Variants in IFT140 observed in about 807,000 individuals in gnomAD.
IFT140 encodes the protein intraflagellar transport protein 140 homolog.
Under a neutral mutation model 164.6 loss-of-function variants are expected in IFT140, and 133 were observed. That is an observed-to-expected ratio of 0.81 (90% CI 0.70 to 0.93). The LOEUF is 0.93. Among genes scored for constraint, IFT140 ranks in the 40% least tolerant of loss-of-function variants. The pLI is 0.00. For synonymous variants in IFT140, 860 were observed against 817.3 expected (o/e 1.05, Z -0.89); for missense variants, 2,045 against 1,972.3 (o/e 1.04, Z -0.70).
At chr16:1,579,204 T>A (rs941807583) in intron 13 of IFT140, 1 of 152,094 alleles carries the variant, frequency 6.6e-6, no homozygotes, top group African/African-American at 2.4e-5. Context: ...AGGGAAAATA[T>A]GTTTACTATT....
chr16:1,566,123 A>AT (rs773737977), intron 16 of IFT140, 38 bp downstream of exon 16: 2 of 1,603,504 alleles, frequency 1.2e-6, no homozygotes. Flanking sequence ...ACTGAACATC[A>AT]TTTTTTCCAA....
intron 4 of IFT140, among the ~76,000 whole-genome samples, chr16:1,601,550 C>T (rs1028638552): frequency 2.0e-5 from 3 of 152,196 alleles, no homozygotes; most frequent in African/African-American, 7.2e-5. Flanking sequence ...AAAATACCCA[C>T]GTAGCTGGAG....
chr16:1,534,525 G>A (rs780821513), intron 19 of IFT140: 63 of 1,606,320 alleles, frequency 3.9e-5, no homozygotes, highest in Admixed American at 2.0e-4. Flanking sequence ...CGAGGCAGCC[G>A]GCTTCCAGGA....
At chr16:1,574,832 C>A (rs1345182142) in intron 13 of IFT140, among the ~76,000 whole-genome samples, 1 of 152,130 alleles carries the variant, frequency 6.6e-6, no homozygotes, top group Non-Finnish European at 1.5e-5. Flanking sequence ...GGGCTGGGGC[C>A]CCAAAGTTCT....
At chr16:1,557,809 A>G in intron 19 of IFT140, 126 bp downstream of exon 19, 1 of 930,456 alleles carries the variant, frequency 1.1e-6, no homozygotes, top group East Asian at 2.4e-5. Context: ...AGACCATGAA[A>G]TACACCATGA....
At chr16:1,580,532 T>G in intron 13 of IFT140, 2 of 429,272 alleles carry the variant, frequency 4.7e-6, no homozygotes, top group Non-Finnish European at 8.5e-6. Flanking sequence ...CCCACCAGGA[T>G]TGTAAGTTTC....
intron 4 of IFT140, among the ~76,000 whole-genome samples, chr16:1,598,656 T>G (rs2035588859): frequency 1.3e-5 from 2 of 152,266 alleles, no homozygotes; most frequent in South Asian, 4.1e-4. Flanking sequence ...GTGTGCACTA[T>G]GAGCCGGCCC....
chr16:1,557,047 C>T (rs936444655), intron 19 of IFT140, among the ~76,000 whole-genome samples: 1 of 152,096 alleles, frequency 6.6e-6, no homozygotes, highest in African/African-American at 2.4e-5. Flanking sequence ...AACGAACTCC[C>T]GACCTCAGGT....
chr16:1,536,563 G>A (rs4786279), intron 19 of IFT140, among the ~76,000 whole-genome samples: 7 of 152,286 alleles, frequency 4.6e-5, no homozygotes, highest in East Asian at 3.9e-4. Context: ...CCTTGTAAAC[G>A]GGACTCAGCT....
intron 4 of IFT140, among the ~76,000 whole-genome samples, chr16:1,594,435 G>A (rs1176255349): frequency 6.6e-6 from 1 of 152,010 alleles, no homozygotes; most frequent in African/African-American, 2.4e-5. Context: ...TGCCCAGGCT[G>A]GTATCAAACT....
intron 12 of IFT140, 102 bp downstream of exon 12, chr16:1,583,212 C>CAA: frequency 9.7e-7 from 1 of 1,025,834 alleles, no homozygotes; most frequent in East Asian, 2.5e-5. Context: ...CTCCCCAGCC[C>CAA]CTGTGCCAGC....
chr16:1,563,999 C>T lies in IFT140; in HGVS notation c.2065G>A (p.Ala689Thr). 6.3e-7 allele frequency: 1 copy of T among 1,575,700 alleles called. No individual in the cohort carries two copies. ...GQPQDGRAGP[A>T]ADVLILSFFI... Reference sequence around the variant, plus strand: ...CAAATACAACAGGCAGAGCGTACCGCAGGGCCAGCGCGCCCATCTTGGGGC... The same window carrying T: ...CAAATACAACAGGCAGAGCGTACCGTAGGGCCAGCGCGCCCATCTTGGGGC... Residue 689 changes from alanine to threonine, a missense_variant and splice_region_variant, in exon 17 of 31, where the codon GCG (alanine) becomes ACG (threonine). Transcript: ENST00000426508.
At chr16:1,593,819 T>C (rs562065698) in intron 4 of IFT140, among the ~76,000 whole-genome samples, 1 of 152,236 alleles carries the variant, frequency 6.6e-6, no homozygotes, top group African/African-American at 2.4e-5. Context: ...GTCTCTCCAC[T>C]GTGAAGCAGC....
At position 1,564,679 on chromosome 16, in the gene IFT140, G is replaced by A. The variant is rs2033615530; in HGVS notation, c.1902-517C>T. Among the ~76,000 whole-genome samples the A allele has an allele frequency of 6.6e-6, 1 of 152,188 alleles. No individual in the cohort carries two copies. Among genetic ancestry groups the A allele is most frequent in the Non-Finnish European group, 1.5e-5 (1 of 68,048 alleles). On this transcript the variant is annotated intron_variant, in intron 16 of 30. Coordinates refer to ENST00000426508, the MANE Select transcript of IFT140 (RefSeq NM_014714.4). This position sits in a 1 kb window ranked among gnomAD's most constrained non-coding sequence, Gnocchi z 5.5. Reference sequence around the variant, plus strand: ...ATGCTGTGGGGAAACACAATGATGTGCCGGCAGACGACACACAAGGTTTCA... The same window carrying A: ...ATGCTGTGGGGAAACACAATGATGTACCGGCAGACGACACACAAGGTTTCA...
At chr16:1,557,251 T>C (rs1306855346) in intron 19 of IFT140, among the ~76,000 whole-genome samples, 1 of 152,116 alleles carries the variant, frequency 6.6e-6, no homozygotes, top group Non-Finnish European at 1.5e-5. Flanking sequence ...CGGAAAGAGC[T>C]CATCTGCACA....
intron 13 of IFT140, among the ~76,000 whole-genome samples, chr16:1,572,266 T>A (rs554391386): frequency 3.9e-4 from 60 of 152,294 alleles, no homozygotes; most frequent in African/African-American, 1.4e-3. Context: ...AGCTGGGAAG[T>A]GATTTCGCAT....
rs200810216 is a variant in IFT140 at position 1,534,590 on chromosome 16, G to C, written c.2400-7794C>G. ...ATTGTTTTCCTGATGCCTTCAGCGT[G>C]GCCGAGGCTCGAGGGCACATGGGAG... On this transcript the variant is annotated intron_variant, in intron 19 of 30. Coordinates refer to ENST00000426508, the MANE Select transcript of IFT140 (RefSeq NM_014714.4). 120 of 1,596,424 alleles carry C rather than the reference G, an allele frequency of 7.5e-5. No individual in the cohort carries two copies. In the African/African-American group the frequency reaches 1.3e-3, roughly 17 times the overall value.
At chr16:1,588,324 G>T (rs2035000368) in intron 7 of IFT140, among the ~76,000 whole-genome samples, 1 of 152,070 alleles carries the variant, frequency 6.6e-6, no homozygotes, top group South Asian at 2.1e-4. Flanking sequence ...AGGAGATCAA[G>T]ACCATCCTGG....
chr16:1,557,924 G>A lies in IFT140; in HGVS notation c.2399+11C>T, dbSNP rs772559355. ...GCTATCTCCCAACATCCCAGTGGTCGGGATCCTCACCTTTTGATGAGCTTG... is the reference window on the plus strand; with the variant it reads ...GCTATCTCCCAACATCCCAGTGGTCAGGATCCTCACCTTTTGATGAGCTTG... On this transcript the variant is annotated intron_variant, in intron 19 of 30. Coordinates refer to ENST00000426508, the MANE Select transcript of IFT140 (RefSeq NM_014714.4). The A allele has an allele frequency of 9.9e-6, 16 of 1,611,750 alleles. No homozygotes were observed. The highest frequency in any genetic ancestry group is 2.2e-5 in the East Asian group (1 of 44,850).
Sources: allele counts gnomAD v4.1 joint callset (sites outside exome capture counted in the v4.1 genomes callset), GRCh38; gene constraint gnomAD v4.1.1; non-coding constraint Gnocchi (gnomAD v3.1); transcripts MANE v1.5; gene names NCBI Gene and HGNC (gene_info 2026-07-23, HGNC 2026-07-21).